OTUD7B: variants seen among roughly 807,000 people sequenced by gnomAD.
OTUD7B encodes OTU domain-containing protein 7B.
A neutral mutation model predicts 82.2 loss-of-function variants in OTUD7B; 34 were observed. The observed-to-expected ratio is 0.41, with a 90% confidence interval of 0.31 to 0.55. The LOEUF (loss-of-function observed/expected upper bound fraction) is 0.55, where lower values mean the gene tolerates loss of function less well. OTUD7B is among the 20% of genes least tolerant of loss of function. The pLI, the probability that OTUD7B is intolerant of heterozygous loss-of-function variation, is 0.20. For missense variants in OTUD7B, 944 were observed against 1,062.1 expected (o/e 0.89, Z 1.55); for synonymous variants, 398 against 402.7 (o/e 0.99, Z 0.14).
chr1:149,981,319 C>T (rs587599521), intron 1 of OTUD7B, among the ~76,000 whole-genome samples: 125 of 152,358 alleles, frequency 8.2e-4, no homozygotes, highest in African/African-American at 2.4e-3. Context: ...TGACAAATCA[C>T]ATAGTCTCCA....
chr1:149,951,192 C>G (rs1208010068), intron 7 of OTUD7B, among the ~76,000 whole-genome samples: 4 of 151,756 alleles, frequency 2.6e-5, no homozygotes, highest in African/African-American at 9.7e-5. Context: ...ACCGTGGTCT[C>G]GATCTCCTGA....
At chr1:150,034,153 A>G in the OTUD7B span, among the ~76,000 whole-genome samples, 1 of 152,230 alleles carries the variant, frequency 6.6e-6, no homozygotes, top group Non-Finnish European at 1.5e-5. Context: ...AAACCATGAC[A>G]TTAGAATGTC....
chr1:150,065,849 G>GTTTCTTTTTTTTTTTTT, the OTUD7B span, among the ~76,000 whole-genome samples: 8 of 151,638 alleles, frequency 5.3e-5, no homozygotes, highest in African/African-American at 1.7e-4. Flanking sequence ...TGTTCAAAAT[G>GTTTCTTTTTTTTTTTTT]TTTATGTTCC....
chr1:149,993,641 G>T (rs1411484506), intron 1 of OTUD7B, among the ~76,000 whole-genome samples: 1 of 152,134 alleles, frequency 6.6e-6, no homozygotes, highest in Non-Finnish European at 1.5e-5. Flanking sequence ...ATCAGAAATT[G>T]ACTGTAAAGG....
chr1:149,950,478 G>A (rs954252291), intron 7 of OTUD7B, among the ~76,000 whole-genome samples: 9 of 152,142 alleles, frequency 5.9e-5, no homozygotes, highest in African/African-American at 2.2e-4. Context: ...GGAATTTGGA[G>A]GTAATCCCTA....
chr1:150,014,050 GTATA>G (rs200964766), upstream of OTUD7B, among the ~76,000 whole-genome samples: 4 of 91,876 alleles, frequency 4.4e-5, no homozygotes, highest in African/African-American at 1.6e-4. Context: ...ATATGTGTGT[GTATA>G]TATATGTGTG....
rs1553771120 is a variant in OTUD7B at position 149,944,018 on chromosome 1, C to T, written c.2371G>A (p.Gly791Ser). The T allele has an allele frequency of 1.2e-6, 2 of 1,614,244 alleles. No homozygotes were observed. The highest frequency in any genetic ancestry group is 8.5e-7 in the Non-Finnish European group (1 of 1,180,038). Reference sequence around the variant, plus strand: ...TGAGTTGGGGGAAGGCCCCGGAGACCTCCAGCCCATCCATCTGGCTCAGGG... The same window carrying T: ...TGAGTTGGGGGAAGGCCCCGGAGACTTCCAGCCCATCCATCTGGCTCAGGG... Reference protein sequence around the residue: ...EPPEPDGWAGGLRGLPPTQTK... With the variant: ...EPPEPDGWAGSLRGLPPTQTK... Residue 791 changes from glycine to serine, a missense_variant, in exon 12 of 12, where the codon GGT (glycine) becomes AGT (serine). Physicochemically the swap from Gly to Ser is moderately conservative, Grantham distance 56. Transcript: ENST00000581312.
intron 1 of OTUD7B, among the ~76,000 whole-genome samples, chr1:150,009,935 C>T (rs67450539): frequency 0.13 from 19,389 of 151,886 alleles, 1,792 homozygotes; most frequent in African/African-American, 0.26. Flanking sequence ...CGTCTCTCTC[C>T]CTCTCTCACA....
At chr1:149,992,404 G>A (rs1017979658) in intron 1 of OTUD7B, among the ~76,000 whole-genome samples, 2 of 149,176 alleles carry the variant, frequency 1.3e-5, no homozygotes, top group Non-Finnish European at 3.0e-5. Flanking sequence ...CTGATAGTTT[G>A]AAGCTACTTA....
chr1:150,030,100 A>G, the OTUD7B span, among the ~76,000 whole-genome samples: 31 of 152,214 alleles, frequency 2.0e-4, no homozygotes, highest in Non-Finnish European at 4.3e-4. Context: ...ATTGATAACA[A>G]TACAAATTTT....
At chr1:149,946,416 G>A (rs1035136414) in intron 11 of OTUD7B, among the ~76,000 whole-genome samples, 6 of 152,016 alleles carry the variant, frequency 3.9e-5, no homozygotes, top group Admixed American at 6.6e-5. Flanking sequence ...CTGGAGAGGA[G>A]ATGTGGAAAA....
rs72692829 is a variant in OTUD7B at position 149,982,511 on chromosome 1, G to A, written c.-66-4935C>T. On this transcript the variant is annotated intron_variant, in intron 1 of 11. Transcript: ENST00000581312. ...GTCTAGCTCTGTCACCCAGGCTGGA[G>A]TGCAGGAGTTTGATCTTGGCTCACT... Among the ~76,000 whole-genome samples, 1,081 of 152,236 alleles carry A rather than the reference G, an allele frequency of 7.1e-3. 7 individuals are homozygous for A. The highest frequency in any genetic ancestry group is 0.012 in the Non-Finnish European group (806 of 68,014).
intron 1 of OTUD7B, among the ~76,000 whole-genome samples, chr1:149,993,022 G>A (rs913051843): frequency 4.6e-5 from 7 of 152,068 alleles, no homozygotes; most frequent in South Asian, 2.1e-4. Flanking sequence ...ATGGTGGCAC[G>A]TGCCTATAAT....
chr1:150,043,148 A>T, the OTUD7B span, among the ~76,000 whole-genome samples: 1 of 152,118 alleles, frequency 6.6e-6, no homozygotes, highest in African/African-American at 2.4e-5. Flanking sequence ...TTAAGTCAGA[A>T]TCTCTAGGGG....
the OTUD7B span, among the ~76,000 whole-genome samples, chr1:150,034,095 A>G: frequency 1.4e-5 from 2 of 146,404 alleles, no homozygotes; most frequent in African/African-American, 5.6e-5. Context: ...TTAAAGTTAC[A>G]TGATAAGTGG....
intron 1 of OTUD7B, among the ~76,000 whole-genome samples, chr1:149,978,215 T>A (rs192457730): frequency 6.6e-4 from 100 of 152,288 alleles, no homozygotes; most frequent in African/African-American, 2.3e-3. Flanking sequence ...TTACTCAAAA[T>A]ACAGTATTAG....
intron 2 of OTUD7B, 25 bp downstream of exon 2, chr1:149,977,401 C>G: frequency 6.6e-7 from 1 of 1,523,190 alleles, no homozygotes; most frequent in Non-Finnish European, 9.1e-7. Context: ...TTTCTCTTTT[C>G]TCATTCTCCC....
Position 149,940,871 on chromosome 1 carries a change from C to T in OTUD7B, c.*2986G>A, listed in dbSNP as rs868961485. ...CCAGGCATTATTCCTTCACCTCCCC[C>T]CATCCCACCAAGACCCTCCCCGAAA... is the stretch of plus-strand genomic sequence containing the variant. On this transcript the variant is annotated 3_prime_UTR_variant, in exon 12 of 12. Coordinates refer to ENST00000581312, the MANE Select transcript of OTUD7B (RefSeq NM_020205.4). 1.3e-5 allele frequency: 2 copies of T among 151,968 alleles called. No individual in the cohort carries two copies. Among genetic ancestry groups the T allele is most frequent in the African/African-American group, 4.8e-5 (2 of 41,342 alleles). 9.4% of individuals were successfully genotyped at this position (151,968 alleles called of 1,614,324 possible).
At chr1:150,011,407 G>C (rs1553787389), upstream of OTUD7B, among the ~76,000 whole-genome samples, 1 of 152,164 alleles carries the variant, frequency 6.6e-6, no homozygotes, top group Non-Finnish European at 1.5e-5. Flanking sequence ...ACTGCTCTCA[G>C]TGATACAGGG....
Sources: allele counts gnomAD v4.1 joint callset (sites outside exome capture counted in the v4.1 genomes callset), GRCh38; gene constraint gnomAD v4.1.1; transcripts MANE v1.5; gene names NCBI Gene and HGNC (gene_info 2026-07-23, HGNC 2026-07-21).